The following ROR2 variants were observed in gnomAD, a reference collection of about 807,000 sequenced individuals.
The protein encoded by ROR2 is ROR family WNT receptor 2, also known as tyrosine-protein kinase transmembrane receptor ROR2.
ROR2 carries 33 observed loss-of-function variants against 74.9 expected under a neutral mutation model. That is an observed-to-expected ratio of 0.44 (90% CI 0.33 to 0.59). The LOEUF (loss-of-function observed/expected upper bound fraction) is 0.59, where lower values mean the gene tolerates loss of function less well. Ranked by LOEUF, ROR2 falls within the 20% of genes least tolerant of loss-of-function variation. The pLI, the probability that ROR2 is intolerant of heterozygous loss-of-function variation, is 0.02. For missense variants in ROR2, 1,216 were observed against 1,313.8 expected, an observed-to-expected ratio of 0.93 and a Z score of 1.15; for synonymous variants, 586 against 558.7, an observed-to-expected ratio of 1.05 and a Z score of -0.69.
intron 1 of ROR2, among the ~76,000 whole-genome samples, chr9:91,806,819 G>C (rs905833880): frequency 8.5e-5 from 13 of 152,144 alleles, no homozygotes; most frequent in Non-Finnish European, 1.9e-4. Context: ...TCGATCTCCT[G>C]ACCTTGTGAT....
intron 1 of ROR2, among the ~76,000 whole-genome samples, chr9:91,903,319 C>T (rs539548574): frequency 3.3e-5 from 5 of 152,040 alleles, no homozygotes; most frequent in Non-Finnish European, 7.4e-5. Context: ...CACCCCAACC[C>T]GCTGGCTTCC....
intron 1 of ROR2, among the ~76,000 whole-genome samples, chr9:91,863,282 C>T (rs1829524738): frequency 1.3e-5 from 2 of 152,120 alleles, no homozygotes; most frequent in South Asian, 4.1e-4. Flanking sequence ...CGCCTTGGTC[C>T]CCCGAAGTGC....
rs554170671 is a variant in ROR2, at chr9:91,733,252, G to A, written c.807C>T (p.Thr269=). Residue 269 remains threonine (T), a synonymous_variant, in exon 6 of 9, where the codon ACC becomes ACT. Transcript: ENST00000375708. The surrounding 1 kb of genome is among the most constrained non-coding windows in gnomAD (Gnocchi z 5.7). ...LESDLCRQEY[T]IARSNPLILM... Reference sequence around the variant, plus strand: ...GGATGAGCGGGTTGGAGCGGGCGATGGTGTACTCCTGGCGGCACAGGTCGC... The same window carrying A: ...GGATGAGCGGGTTGGAGCGGGCGATAGTGTACTCCTGGCGGCACAGGTCGC... The A allele has an allele frequency of 1.9e-5, 31 of 1,612,834 alleles. No individual in the cohort carries two copies. The East Asian group carries it at 6.2e-4, about 32-fold the overall frequency.
chr9:91,947,460 C>A (rs1009047724), intron 1 of ROR2, among the ~76,000 whole-genome samples: 1 of 152,198 alleles, frequency 6.6e-6, no homozygotes, highest in African/African-American at 2.4e-5. Flanking sequence ...TTACTATATA[C>A]ATAAAAACTT....
At chr9:91,735,103 T>C (rs1246885349) in intron 5 of ROR2, among the ~76,000 whole-genome samples, 1 of 152,238 alleles carries the variant, frequency 6.6e-6, no homozygotes, top group East Asian at 1.9e-4. Flanking sequence ...AATCCACTGA[T>C]AGGATGTCTC....
chr9:91,760,251 T>C (rs75655269), intron 2 of ROR2, among the ~76,000 whole-genome samples: 4,919 of 152,286 alleles, frequency 0.032, 274 homozygotes, highest in African/African-American at 0.11. Context: ...ACCTTGCCTT[T>C]CCCCTCCCCA....
intron 1 of ROR2, among the ~76,000 whole-genome samples, chr9:91,794,939 T>C (rs1002354251): frequency 1.3e-5 from 2 of 152,052 alleles, no homozygotes; most frequent in African/African-American, 4.8e-5. Flanking sequence ...CTGGGCAACA[T>C]AGTGAAACCC....
Position 91,845,836 on chromosome 9 carries a change from CCACTG to C in ROR2, c.98-70023_98-70019del, listed in dbSNP as rs1197888502. Among the ~76,000 whole-genome samples the C allele has an allele frequency of 4.4e-5, 6 of 136,300 alleles. No homozygotes were observed. In the Admixed American group the frequency reaches 4.9e-4, roughly 11 times the overall value. The allele number at this position is 136,300 out of a possible 152,430, so 89.4% of individuals were successfully genotyped here. A position where few individuals can be genotyped will look rare whatever the true frequency, so the allele number is the denominator to read the frequency against. On this transcript the variant is annotated intron_variant, in intron 1 of 8. Transcript: ENST00000375708. ...GAGGTTGCAGTGAGCTGAGATCATG[CCACTG>C]CACTCCAGCCTGGGCAACAGAGCAA...
intron 2 of ROR2, among the ~76,000 whole-genome samples, chr9:91,762,100 G>A (rs1201733120): frequency 6.6e-6 from 1 of 152,074 alleles, no homozygotes; most frequent in African/African-American, 2.4e-5. Context: ...TAACATTAGG[G>A]ACCCCCTCTT....
At chr9:91,945,307 A>G (rs56409414) in intron 1 of ROR2, among the ~76,000 whole-genome samples, 4,364 of 152,292 alleles carry the variant, frequency 0.029, 149 homozygotes, top group Admixed American at 0.1. Flanking sequence ...ACAAGCCTAC[A>G]ATGAGGAGTT....
intron 1 of ROR2, among the ~76,000 whole-genome samples, chr9:91,796,435 G>GTAAAA (rs1827168737): frequency 3.9e-5 from 4 of 101,300 alleles, no homozygotes; most frequent in African/African-American, 6.1e-5. Context: ...CTTGTCCCAA[G>GTAAAA]GAAAAAAAAA....
chr9:91,889,554 A>G (rs567520843), intron 1 of ROR2, among the ~76,000 whole-genome samples: 2 of 152,312 alleles, frequency 1.3e-5, no homozygotes, highest in Admixed American at 1.3e-4. Flanking sequence ...CACTCTGTAC[A>G]GGCTGCATAG....
At chr9:91,898,819 T>C (rs796355819) in intron 1 of ROR2, among the ~76,000 whole-genome samples, 17 of 152,330 alleles carry the variant, frequency 1.1e-4, no homozygotes, top group African/African-American at 3.6e-4. Flanking sequence ...CAACACATGA[T>C]GGCAGGCAGG....
At chr9:91,861,365 A>T (rs1458063268) in intron 1 of ROR2, among the ~76,000 whole-genome samples, 2 of 152,232 alleles carry the variant, frequency 1.3e-5, no homozygotes, top group Non-Finnish European at 2.9e-5. Context: ...GGACTCATAG[A>T]CTTCTCAGTA....
chr9:91,860,772 G>A (rs1156469689), intron 1 of ROR2, among the ~76,000 whole-genome samples: 1 of 152,036 alleles, frequency 6.6e-6, no homozygotes, highest in Non-Finnish European at 1.5e-5. Flanking sequence ...TCACATTGAG[G>A]GCAGATCTTC....
chr9:91,948,013 G>C (rs1832058775), intron 1 of ROR2, among the ~76,000 whole-genome samples: 1 of 152,060 alleles, frequency 6.6e-6, no homozygotes, highest in Non-Finnish European at 1.5e-5. Flanking sequence ...AAAAAGAACA[G>C]GGTTCAAAAA....
intron 1 of ROR2, among the ~76,000 whole-genome samples, chr9:91,782,327 A>T (rs774756628): frequency 2.6e-5 from 4 of 152,124 alleles, no homozygotes; most frequent in Non-Finnish European, 5.9e-5. Flanking sequence ...AGTTACTCCC[A>T]TGCATACAAA....
At chr9:91,914,522 T>C (rs1285374063) in intron 1 of ROR2, among the ~76,000 whole-genome samples, 2 of 152,042 alleles carry the variant, frequency 1.3e-5, no homozygotes, top group Non-Finnish European at 2.9e-5. Flanking sequence ...CCCATTGGGG[T>C]TGTGAATGAG....
At chr9:91,774,834 A>T (rs1390490659) in intron 2 of ROR2, among the ~76,000 whole-genome samples, 1 of 152,210 alleles carries the variant, frequency 6.6e-6, no homozygotes, top group African/African-American at 2.4e-5. Context: ...CTGAAGAAGG[A>T]AGTCAAGATA....
Sources: allele counts gnomAD v4.1 joint callset (sites outside exome capture counted in the v4.1 genomes callset), GRCh38; gene constraint gnomAD v4.1.1; non-coding constraint Gnocchi (gnomAD v3.1); transcripts MANE v1.5; gene names NCBI Gene and HGNC (gene_info 2026-07-23, HGNC 2026-07-21).